SNTG2: variants seen among roughly 807,000 people sequenced by gnomAD.
The protein encoded by SNTG2 is gamma-2-syntrophin.
A neutral mutation model predicts 70.9 loss-of-function variants in SNTG2; 74 were observed. That is an observed-to-expected ratio of 1.04 (90% CI 0.86 to 1.27). The LOEUF (loss-of-function observed/expected upper bound fraction) is 1.27, where lower values mean the gene tolerates loss of function less well. SNTG2 is among the 50% of genes most tolerant of loss of function. The pLI is 0.00. For missense variants in SNTG2, 717 were observed against 690.7 expected (o/e 1.04, Z -0.43); for synonymous variants, 278 against 273.8 (o/e 1.02, Z -0.15).
chr2:1,340,672 T>C (rs986920760), intron 16 of SNTG2, among the ~76,000 whole-genome samples: 4 of 152,252 alleles, frequency 2.6e-5, no homozygotes, highest in African/African-American at 9.6e-5. Flanking sequence ...CTTTCTAAAA[T>C]TGAATGGTAG....
At chr2:1,262,702 CG>C (rs1678491822) in intron 13 of SNTG2, 1 of 94,670 alleles carries the variant, frequency 1.1e-5, no homozygotes, top group African/African-American at 2.7e-5. Flanking sequence ...TCCGTCCAGA[CG>C]AGGCAACCGG....
At position 1,097,907 on chromosome 2, in the gene SNTG2, G is replaced by C. The variant is rs1274323193; in HGVS notation, c.211-289G>C. Reference sequence around the variant, plus strand: ...ACCCCTCGTTTCTTCATGGAGCTCCGTTCCTCACAAGCAGAATGCAGACGG... The same window carrying C: ...ACCCCTCGTTTCTTCATGGAGCTCCCTTCCTCACAAGCAGAATGCAGACGG... On this transcript the variant is annotated intron_variant, in intron 2 of 16. Coordinates refer to ENST00000308624, the MANE Select transcript of SNTG2 (RefSeq NM_018968.4). This position sits in a 1 kb window ranked among gnomAD's most constrained non-coding sequence, Gnocchi z 4.1. Among the ~76,000 whole-genome samples, 1 of 151,678 alleles carries C rather than the reference G, an allele frequency of 6.6e-6. No individual in the cohort carries two copies. Among genetic ancestry groups the C allele is most frequent in the South Asian group, 2.1e-4 (1 of 4,798 alleles).
chr2:1,233,531 G>T (rs548175344), intron 9 of SNTG2, among the ~76,000 whole-genome samples: 1 of 152,276 alleles, frequency 6.6e-6, no homozygotes, highest in East Asian at 1.9e-4. Flanking sequence ...GGCAGGAGCC[G>T]CAGGGTGCAG....
At chr2:1,322,672 G>T (rs1228213842) in intron 16 of SNTG2, among the ~76,000 whole-genome samples, 1 of 151,664 alleles carries the variant, frequency 6.6e-6, no homozygotes, top group Non-Finnish European at 1.5e-5. Flanking sequence ...TACCCTTCTG[G>T]TGCAGAGTCC....
chr2:1,359,494 C>A (rs1257814400), intron 16 of SNTG2, among the ~76,000 whole-genome samples: 1 of 152,066 alleles, frequency 6.6e-6, no homozygotes, highest in Admixed American at 6.6e-5. Flanking sequence ...GTACAGCCAC[C>A]CTGCCCTTTT....
At chr2:969,402 G>C (rs1660669194) in intron 1 of SNTG2, among the ~76,000 whole-genome samples, 2 of 151,982 alleles carry the variant, frequency 1.3e-5, no homozygotes, top group Admixed American at 6.6e-5. Context: ...ATTCTGTGAA[G>C]AATGTCCTTG....
chr2:1,218,624 A>G (rs1010333972), intron 9 of SNTG2, among the ~76,000 whole-genome samples: 10 of 152,362 alleles, frequency 6.6e-5, no homozygotes, highest in Admixed American at 2.0e-4. Context: ...CTGTGCTTGA[A>G]AAGTATCCAC....
chr2:1,336,095 A>G (rs1278824961), intron 16 of SNTG2, among the ~76,000 whole-genome samples: 1 of 152,162 alleles, frequency 6.6e-6, no homozygotes, highest in Non-Finnish European at 1.5e-5. Flanking sequence ...ATTGGTAAAG[A>G]GATAAATCCA....
intron 4 of SNTG2, among the ~76,000 whole-genome samples, chr2:1,135,014 T>C (rs1668285407): frequency 6.6e-6 from 1 of 152,164 alleles, no homozygotes; most frequent in African/African-American, 2.4e-5. Flanking sequence ...TTCATCGTCA[T>C]CTCATTAAAC....
chr2:1,112,154 G>C (rs1295145044), intron 4 of SNTG2, among the ~76,000 whole-genome samples: 3 of 140,668 alleles, frequency 2.1e-5, no homozygotes, highest in Non-Finnish European at 3.1e-5. Flanking sequence ...GCCTTACACT[G>C]CTTTGAGAAG....
intron 1 of SNTG2, among the ~76,000 whole-genome samples, chr2:1,012,142 A>G (rs1227787967): frequency 2.0e-5 from 3 of 152,228 alleles, no homozygotes; most frequent in African/African-American, 7.2e-5. Context: ...CTGACAATCA[A>G]TACGAGCAAC....
At chr2:1,241,337 A>G (rs1677032461) in intron 11 of SNTG2, among the ~76,000 whole-genome samples, 1 of 152,216 alleles carries the variant, frequency 6.6e-6, no homozygotes, top group Non-Finnish European at 1.5e-5. Flanking sequence ...AGTGGAGAGC[A>G]TACGTGGGAA....
chr2:1,269,792 C>G (rs1678922838), intron 14 of SNTG2, among the ~76,000 whole-genome samples: 1 of 152,074 alleles, frequency 6.6e-6, no homozygotes, highest in Admixed American at 6.6e-5. Flanking sequence ...TTCAATAATC[C>G]AGGATTGAGA....
intron 8 of SNTG2, among the ~76,000 whole-genome samples, chr2:1,174,329 C>T (rs999721214): frequency 1.3e-5 from 2 of 151,530 alleles, no homozygotes; most frequent in African/African-American, 2.4e-5. Context: ...CATTTTATTG[C>T]AAGGCTTATA....
At chr2:1,115,460 C>T (rs1159584141) in intron 4 of SNTG2, among the ~76,000 whole-genome samples, 1 of 151,226 alleles carries the variant, frequency 6.6e-6, no homozygotes, top group Non-Finnish European at 1.5e-5. Context: ...CCTTACAGTC[C>T]TTTGAGGAGG....
At chr2:1,117,652 A>G (rs777768443) in intron 4 of SNTG2, among the ~76,000 whole-genome samples, 13 of 152,294 alleles carry the variant, frequency 8.5e-5, no homozygotes, top group Middle Eastern at 3.4e-3. Flanking sequence ...GTGAACAGCA[A>G]CAGCTCCCTG....
chr2:1,063,686 T>C (rs1370783194), intron 1 of SNTG2, among the ~76,000 whole-genome samples: 2 of 152,154 alleles, frequency 1.3e-5, no homozygotes, highest in African/African-American at 4.8e-5. Context: ...TGGGCTTAAC[T>C]GAAGAGTGGA....
intron 4 of SNTG2, among the ~76,000 whole-genome samples, chr2:1,132,389 G>T (rs188974818): frequency 1.3e-5 from 2 of 152,176 alleles, no homozygotes; most frequent in East Asian, 3.9e-4. Flanking sequence ...CTTTCCAGAC[G>T]CCTGGAATTG....
chr2:1,061,495 A>G (rs970644283), intron 1 of SNTG2, among the ~76,000 whole-genome samples: 7 of 152,340 alleles, frequency 4.6e-5, no homozygotes, highest in African/African-American at 1.7e-4. Flanking sequence ...AAGGGCAGGC[A>G]TGCTTATTGA....
Sources: gnomAD v4.1 joint callset for allele counts (sites outside exome capture counted in the v4.1 genomes callset) on GRCh38, gnomAD v4.1.1 for gene constraint, Gnocchi (gnomAD v3.1) non-coding constraint, MANE v1.5 for transcripts, NCBI Gene and HGNC (gene_info 2026-07-23, HGNC 2026-07-21) for gene names.